The following TIMD4 variants were observed in gnomAD, a reference collection of about 807,000 sequenced individuals.
TIMD4 encodes the protein T cell immunoglobulin and mucin domain containing 4.
TIMD4 carries 31 observed loss-of-function variants against 41.2 expected under a neutral mutation model. The ratio of observed to expected loss-of-function variants is 0.75; its 90% confidence interval spans 0.57 to 1.01. The LOEUF (loss-of-function observed/expected upper bound fraction) is 1.01, where lower values mean the gene tolerates loss of function less well. Ranked by LOEUF, TIMD4 falls within the 50% of genes least tolerant of loss-of-function variation. TIMD4 has a pLI of 0.00. For synonymous variants in TIMD4, 204 were observed against 177.1 expected, an observed-to-expected ratio of 1.15 and a Z score of -1.21; for missense variants, 479 against 472.5, an observed-to-expected ratio of 1.01 and a Z score of -0.13.
At chr5:156,963,005 C>A in intron 1 of TIMD4, 136 bp downstream of exon 1, 1 of 819,274 alleles carries the variant, frequency 1.2e-6, no homozygotes, top group Non-Finnish European at 2.0e-6. Context: ...CAGAAGGAAG[C>A]CTGGTAGGGA....
At chr5:156,931,847 G>GTATGCAAATACTTAAAAATACATACAGAA (rs1561546117) in intron 5 of TIMD4, among the ~76,000 whole-genome samples, 10 of 147,502 alleles carry the variant, frequency 6.8e-5, no homozygotes, top group African/African-American at 2.4e-4. Context: ...CCTTGGCTAA[G>GTATGCAAATACTTAAAAATACATACAGAA]ATACTTTCCT....
At chr5:156,946,200 A>G (rs1408111293) in intron 5 of TIMD4, among the ~76,000 whole-genome samples, 3 of 152,188 alleles carry the variant, frequency 2.0e-5, no homozygotes, top group African/African-American at 7.2e-5. Context: ...CCTACTTTCC[A>G]TCACCTTTCT....
At chr5:156,947,287 A>T (rs946714357) in intron 5 of TIMD4, among the ~76,000 whole-genome samples, 1 of 152,238 alleles carries the variant, frequency 6.6e-6, no homozygotes, top group Non-Finnish European at 1.5e-5. Flanking sequence ...ACAAACAGTC[A>T]TATCAAGTGT....
At chr5:156,935,773 C>T (rs527528477) in intron 5 of TIMD4, 2 of 152,370 alleles carry the variant, frequency 1.3e-5, no homozygotes, top group African/African-American at 2.4e-5. Flanking sequence ...AACAAAATCT[C>T]ATCAACCCTG....
At chr5:156,921,417 T>C (rs1217992794) in intron 7 of TIMD4, among the ~76,000 whole-genome samples, 5 of 151,734 alleles carry the variant, frequency 3.3e-5, no homozygotes, top group African/African-American at 1.2e-4. Context: ...GGTCAGGAGT[T>C]TGAGTCCAAC....
chr5:156,947,152 C>T (rs771642435), intron 5 of TIMD4, among the ~76,000 whole-genome samples: 4 of 151,658 alleles, frequency 2.6e-5, no homozygotes, highest in Admixed American at 6.6e-5. Context: ...GAGCGGAGAT[C>T]GCACCACTGC....
At chr5:156,954,800 C>A (rs1316316026) in intron 1 of TIMD4, 44 bp from the exon 2 acceptor site, 2 of 1,491,906 alleles carry the variant, frequency 1.3e-6, no homozygotes, top group South Asian at 1.3e-5. Context: ...GTACTGAAAT[C>A]TCTCAAACAT....
intron 3 of TIMD4, 44 bp downstream of exon 3, chr5:156,951,464 TTCAG>T: frequency 1.2e-6 from 2 of 1,601,134 alleles, no homozygotes; most frequent in Non-Finnish European, 1.7e-6. Context: ...GGCTGCCTCA[TTCAG>T]TGAGACAGCA....
At chr5:156,937,804 T>C (rs1759567574) in intron 5 of TIMD4, among the ~76,000 whole-genome samples, 1 of 152,200 alleles carries the variant, frequency 6.6e-6, no homozygotes, top group Non-Finnish European at 1.5e-5. Flanking sequence ...AAGAATCCAA[T>C]TTTGTCTTTT....
chr5:156,961,808 C>CAAAAAAAAAAGAAAAAAAA (rs1753059022), intron 1 of TIMD4, among the ~76,000 whole-genome samples: 1 of 27,962 alleles, frequency 3.6e-5, no homozygotes, highest in Non-Finnish European at 8.3e-5. Flanking sequence ...GACTCCGTCT[C>CAAAAAAAAAAGAAAAAAAA]AAAAAAAAAA....
chr5:156,945,798 A>G (rs1194697799), intron 5 of TIMD4, among the ~76,000 whole-genome samples: 2 of 152,222 alleles, frequency 1.3e-5, no homozygotes, highest in African/African-American at 4.8e-5. Flanking sequence ...TCAGAGCTAG[A>G]CATCCCAGAC....
intron 5 of TIMD4, among the ~76,000 whole-genome samples, chr5:156,934,720 A>C (rs902628878): frequency 6.6e-6 from 1 of 152,218 alleles, no homozygotes; most frequent in Non-Finnish European, 1.5e-5. Context: ...GACTCAAAAA[A>C]AAATGTTCTT....
At chr5:156,920,366 G>T in intron 8 of TIMD4, 98 bp downstream of exon 8, 1 of 1,338,080 alleles carries the variant, frequency 7.5e-7, no homozygotes, top group Non-Finnish European at 1.1e-6. Context: ...ATGTGTAATC[G>T]TAACACAAGC....
Position 156,954,582 on chromosome 5 carries a change from G to A in TIMD4, c.233C>T (p.Ser78Leu). 1 of 1,614,220 alleles carries A rather than the reference G, an allele frequency of 6.2e-7. No homozygotes were observed. Among genetic ancestry groups the A allele is most frequent in the Non-Finnish European group, 8.5e-7 (1 of 1,180,036 alleles). ...AAGTCTATATTTTGCTGACTTTCTT[G>A]AGGTCACCCTCATTCCATCAGTGCG... The part of the protein sequence containing the change: ...LIRTDGMRVT[S>L]RKSAKYRLQG... The change falls in exon 2 of 9, where the codon TCA (serine) becomes TTA (leucine). Residue 78 changes from serine (S) to leucine (L), a missense_variant. Coordinates refer to ENST00000274532, the MANE Select transcript of TIMD4 (RefSeq NM_138379.3).
intron 7 of TIMD4, among the ~76,000 whole-genome samples, chr5:156,921,362 T>A (rs563074669): frequency 6.6e-6 from 1 of 152,130 alleles, no homozygotes; most frequent in African/African-American, 2.4e-5. Context: ...GGCTCATGCC[T>A]GTAATCCCAG....
chr5:156,936,915 G>C (rs1474122769), intron 5 of TIMD4, among the ~76,000 whole-genome samples: 1 of 138,336 alleles, frequency 7.2e-6, no homozygotes, highest in African/African-American at 2.8e-5. Context: ...CTGGGTAAGA[G>C]AGCGAGACTC....
chr5:156,949,086 C>G (rs1759801551), intron 4 of TIMD4, among the ~76,000 whole-genome samples: 1 of 152,178 alleles, frequency 6.6e-6, no homozygotes, highest in South Asian at 2.1e-4. Flanking sequence ...CCCAAGTGCT[C>G]CTCTCTAGCA....
At chr5:156,932,067 AC>A (rs1329226156) in intron 5 of TIMD4, among the ~76,000 whole-genome samples, 1 of 152,238 alleles carries the variant, frequency 6.6e-6, no homozygotes, top group African/African-American at 2.4e-5. Context: ...ATACAGAAAT[AC>A]AATTATGTAT....
intron 8 of TIMD4, among the ~76,000 whole-genome samples, chr5:156,919,970 G>A (rs1275574246): frequency 6.6e-6 from 1 of 152,082 alleles, no homozygotes; most frequent in African/African-American, 2.4e-5. Flanking sequence ...CTATAGAATA[G>A]GGCAAATAGC....
Sources: allele counts gnomAD v4.1 joint callset (sites outside exome capture counted in the v4.1 genomes callset), GRCh38; gene constraint gnomAD v4.1.1; transcripts MANE v1.5; gene names NCBI Gene and HGNC (gene_info 2026-07-23, HGNC 2026-07-21).